The following CEP63 variants were observed in gnomAD, a reference collection of about 807,000 sequenced individuals.
CEP63 encodes centrosomal protein 63.
In CEP63, 84 loss-of-function variants were observed where a neutral mutation model predicts 89.1. The ratio of observed to expected loss-of-function variants is 0.94; its 90% confidence interval spans 0.79 to 1.13. The LOEUF is 1.13. Among genes scored for constraint, CEP63 ranks in the 50% most tolerant of loss-of-function variants. The pLI is 0.00. For synonymous variants in CEP63, 267 were observed against 272.5 expected, an observed-to-expected ratio of 0.98 and a Z score of 0.20; for missense variants, 838 against 813.3, an observed-to-expected ratio of 1.03 and a Z score of -0.37.
At chr3:134,726,823 C>T in the CEP63 span, among the ~76,000 whole-genome samples, 1 of 152,218 alleles carries the variant, frequency 6.6e-6, no homozygotes, top group African/African-American at 2.4e-5. Context: ...CCTGCGGCTC[C>T]TGTTGCTCTC....
the CEP63 span, among the ~76,000 whole-genome samples, chr3:134,687,953 G>A: frequency 2.6e-5 from 4 of 152,204 alleles, no homozygotes; most frequent in African/African-American, 7.2e-5. Context: ...GATTCCTCAC[G>A]CATCACTGAC....
At chr3:134,634,444 A>G in the CEP63 span, among the ~76,000 whole-genome samples, 8 of 152,242 alleles carry the variant, frequency 5.3e-5, no homozygotes, top group African/African-American at 1.9e-4. Context: ...ACTCACACAA[A>G]CATAGCAAAA....
At chr3:134,757,713 G>C in the CEP63 span, among the ~76,000 whole-genome samples, 272 of 152,296 alleles carry the variant, frequency 1.8e-3, 1 homozygote, top group African/African-American at 6.4e-3. Context: ...GGGGCCCTTG[G>C]GGGGTGGTGC....
chr3:134,697,516 G>C, the CEP63 span, among the ~76,000 whole-genome samples: 295 of 152,278 alleles, frequency 1.9e-3, no homozygotes, highest in Non-Finnish European at 3.3e-3. Context: ...TGGGGAGATG[G>C]AAGTGTTTGG....
chr3:134,577,699 A>C (rs1305908318), downstream of CEP63, among the ~76,000 whole-genome samples: 1 of 151,596 alleles, frequency 6.6e-6, no homozygotes, highest in East Asian at 1.9e-4. Context: ...GGTTTGCCGC[A>C]CCTGTCAACC....
the CEP63 span, among the ~76,000 whole-genome samples, chr3:134,677,281 T>C: frequency 6.6e-6 from 1 of 152,166 alleles, no homozygotes; most frequent in African/African-American, 2.4e-5. Flanking sequence ...TCCCTTGACT[T>C]TACTTCGCAC....
chr3:134,734,407 A>G, the CEP63 span, among the ~76,000 whole-genome samples: 2 of 152,228 alleles, frequency 1.3e-5, no homozygotes, highest in African/African-American at 4.8e-5. Flanking sequence ...CTTATATAGT[A>G]TTCTTGAAAT....
At chr3:134,650,900 C>G in the CEP63 span, 1 of 1,613,224 alleles carries the variant, frequency 6.2e-7, no homozygotes, top group Non-Finnish European at 8.5e-7. Context: ...CGCCGCTTCT[C>G]CGAGTGCACG....
At chr3:134,613,392 C>T in the CEP63 span, among the ~76,000 whole-genome samples, 4 of 152,154 alleles carry the variant, frequency 2.6e-5, no homozygotes, top group African/African-American at 9.7e-5. Context: ...GCAGCGAGAG[C>T]CTGCCCCAGC....
At chr3:134,713,708 C>A in the CEP63 span, among the ~76,000 whole-genome samples, 1 of 152,048 alleles carries the variant, frequency 6.6e-6, no homozygotes, top group African/African-American at 2.4e-5. Context: ...AGACAAGGGG[C>A]AAAAATGTAA....
chr3:134,534,461 C>T (rs749577289), intron 5 of CEP63, among the ~76,000 whole-genome samples: 8 of 152,200 alleles, frequency 5.3e-5, no homozygotes, highest in Non-Finnish European at 8.8e-5. Context: ...TAATCATTAA[C>T]CATCCCTTAA....
chr3:134,509,390 A>T (rs1944308921), intron 3 of CEP63, among the ~76,000 whole-genome samples: 1 of 152,176 alleles, frequency 6.6e-6, no homozygotes, highest in Non-Finnish European at 1.5e-5. Context: ...GTCACTTCCC[A>T]CTAGGCCCCA....
At chr3:134,698,434 A>G in the CEP63 span, among the ~76,000 whole-genome samples, 1 of 152,176 alleles carries the variant, frequency 6.6e-6, no homozygotes, top group Non-Finnish European at 1.5e-5. Context: ...GCAAAAGCAA[A>G]GGCTGCCAGT....
chr3:134,580,260 A>T (rs1354312075), intron 10 of CEP63, among the ~76,000 whole-genome samples: 1 of 152,028 alleles, frequency 6.6e-6, no homozygotes, highest in Non-Finnish European at 1.5e-5. Flanking sequence ...ATCCATTTAT[A>T]TAAAGTCAGG....
At chr3:134,677,236 G>A in the CEP63 span, among the ~76,000 whole-genome samples, 1 of 152,186 alleles carries the variant, frequency 6.6e-6, no homozygotes. Flanking sequence ...TCCAGCCTGG[G>A]CAACAGAGAG....
chr3:134,533,989 A>G (rs1244651904), intron 5 of CEP63, among the ~76,000 whole-genome samples: 3 of 151,642 alleles, frequency 2.0e-5, no homozygotes, highest in Admixed American at 2.0e-4. Flanking sequence ...CAAACCCTAT[A>G]TCCTTCTTGC....
chr3:134,721,550 T>G, the CEP63 span, among the ~76,000 whole-genome samples: 1 of 152,170 alleles, frequency 6.6e-6, no homozygotes, highest in South Asian at 2.1e-4. Context: ...TTCCTGATCT[T>G]TGAGGGAATG....
At chr3:134,694,335 C>T in the CEP63 span, among the ~76,000 whole-genome samples, 3 of 152,232 alleles carry the variant, frequency 2.0e-5, no homozygotes, top group Non-Finnish European at 4.4e-5. Context: ...CCAGGCTCCT[C>T]ATCTGGCTGC....
chr3:134,553,507 G>A (rs1182401251), intron 12 of CEP63: 1 of 151,994 alleles, frequency 6.6e-6, no homozygotes, highest in African/African-American at 2.4e-5. Context: ...AATAGGCAAA[G>A]AATGTAGATA....
Sources: allele counts gnomAD v4.1 joint callset (sites outside exome capture counted in the v4.1 genomes callset), GRCh38; gene constraint gnomAD v4.1.1; transcripts MANE v1.5; gene names NCBI Gene and HGNC (gene_info 2026-07-23, HGNC 2026-07-21).